Variants in CNRIP1 observed in about 807,000 individuals in gnomAD.
CNRIP1 encodes the protein cannabinoid receptor interacting protein 1, also known as CB1 cannabinoid receptor-interacting protein 1.
CNRIP1 carries 10 observed loss-of-function variants against 15.2 expected under a neutral mutation model. The observed-to-expected ratio is 0.66, with a 90% confidence interval of 0.41 to 1.12. The LOEUF (loss-of-function observed/expected upper bound fraction) is 1.12. CNRIP1 is among the 50% of genes most tolerant of loss of function. The pLI is 0.00. For synonymous variants in CNRIP1, 91 were observed against 83.2 expected (o/e 1.09, Z -0.51); for missense variants, 211 against 214.7 (o/e 0.98, Z 0.11).
rs118083383 is a variant in CNRIP1, at chr2:68,296,676, G to C, written c.331-2650C>G. ...TTTTGAGATGGAGTCTAGCTCTGTC[G>C]CCCAAGGTTGGAGTGCAGCAGCACG... is the stretch of plus-strand genomic sequence containing the variant. On this transcript the variant is annotated intron_variant, in intron 2 of 2. Transcript: ENST00000263655. 2.1e-3 allele frequency among the ~76,000 whole-genome samples: 316 copies of C among 151,758 alleles called. 10 individuals carry two copies. In the East Asian group the frequency reaches 0.058, roughly 28 times the overall value.
At chr2:68,299,295 C>T (rs931657266) in intron 2 of CNRIP1, among the ~76,000 whole-genome samples, 2 of 152,052 alleles carry the variant, frequency 1.3e-5, no homozygotes, top group East Asian at 3.9e-4. Flanking sequence ...TGCTTTAGGG[C>T]ATTGCTATGG....
intron 2 of CNRIP1, among the ~76,000 whole-genome samples, chr2:68,313,198 T>C (rs11885745): frequency 0.11 from 16,203 of 152,164 alleles, 1,128 homozygotes; most frequent in African/African-American, 0.2. Context: ...TAAAAAGACA[T>C]ACATTGAGTA....
intron 2 of CNRIP1, among the ~76,000 whole-genome samples, chr2:68,298,163 T>C (rs1250721170): frequency 1.3e-5 from 2 of 152,138 alleles, no homozygotes; most frequent in Admixed American, 1.3e-4. Context: ...AAATCTCATT[T>C]TATAATTTAC....
intron 2 of CNRIP1, among the ~76,000 whole-genome samples, chr2:68,294,650 A>T (rs1671282536): frequency 6.6e-6 from 1 of 152,224 alleles, no homozygotes; most frequent in Non-Finnish European, 1.5e-5. Context: ...CATTAGTTTC[A>T]ATTCCAAAGA....
At chr2:68,300,701 C>T (rs1039444816) in intron 2 of CNRIP1, among the ~76,000 whole-genome samples, 7 of 151,892 alleles carry the variant, frequency 4.6e-5, no homozygotes, top group Admixed American at 2.0e-4. Context: ...AACAATGAAA[C>T]TAAAATCTAG....
At chr2:68,299,595 TG>T (rs1671528885) in intron 2 of CNRIP1, among the ~76,000 whole-genome samples, 1 of 152,246 alleles carries the variant, frequency 6.6e-6, no homozygotes, top group African/African-American at 2.4e-5. Flanking sequence ...AGATGTTTGT[TG>T]TTTCATCCAT....
At chr2:68,307,545 T>G (rs892785956) in intron 2 of CNRIP1, among the ~76,000 whole-genome samples, 2 of 152,164 alleles carry the variant, frequency 1.3e-5, no homozygotes, top group Admixed American at 6.5e-5. Context: ...AGGCTAGTCT[T>G]GAACTCCTGC....
chr2:68,289,543 G>A (rs921693534), downstream of CNRIP1, among the ~76,000 whole-genome samples: 3 of 151,284 alleles, frequency 2.0e-5, no homozygotes, highest in African/African-American at 4.9e-5. Context: ...TGTAGTGGCA[G>A]GATCTCAGCT....
At chr2:68,285,046 C>T (rs1670994663) in intron 2 of CNRIP1, among the ~76,000 whole-genome samples, 1 of 152,174 alleles carries the variant, frequency 6.6e-6, no homozygotes, top group Non-Finnish European at 1.5e-5. Context: ...AGCATTTTAG[C>T]AGCTTTAAGC....
rs149282692 is a variant in CNRIP1 at position 68,285,395 on chromosome 2, T to A, written c.331-911A>T. On this transcript the variant is annotated intron_variant, in intron 2 of 2. Transcript: ENST00000409559. ...CAAAGCAATGTCTTCATACAATCAA[T>A]CTTAAGGGATTTTGCAGAGACAATG... 9.3e-4 allele frequency among the ~76,000 whole-genome samples: 141 copies of A among 152,048 alleles called. 1 individual carries two copies. The highest frequency in any genetic ancestry group is 3.2e-3 in the African/African-American group (131 of 41,498).
chr2:68,314,580 G>A (rs1672204575), intron 2 of CNRIP1, among the ~76,000 whole-genome samples: 1 of 151,962 alleles, frequency 6.6e-6, no homozygotes, highest in Non-Finnish European at 1.5e-5. Context: ...CCATCTATAT[G>A]AAAAACCCAA....
chr2:68,300,598 C>G (rs368947141), intron 2 of CNRIP1, among the ~76,000 whole-genome samples: 2 of 151,268 alleles, frequency 1.3e-5, no homozygotes, highest in African/African-American at 4.9e-5. Context: ...GCCTGGGCAT[C>G]AGAGCAAGAC....
chr2:68,311,644 G>A (rs1672076847), intron 2 of CNRIP1, among the ~76,000 whole-genome samples: 1 of 151,690 alleles, frequency 6.6e-6, no homozygotes, highest in African/African-American at 2.4e-5. Flanking sequence ...GTATGGTGGT[G>A]CGCACCTGTA....
chr2:68,310,201 G>C lies in CNRIP1; in HGVS notation c.330+6956C>G, dbSNP rs373559020. On this transcript the variant is annotated intron_variant, in intron 2 of 2. Transcript: ENST00000263655. ...AAATTAGCCAGGTGTGGTGGCACGC[G>C]CCTGTAGCCCCAGCTACTCTGGCGG... Among the ~76,000 whole-genome samples, 7 of 152,260 alleles carry C rather than the reference G, an allele frequency of 4.6e-5. No homozygotes were observed. The East Asian group carries it at 1.4e-3, about 29-fold the overall frequency.
At chr2:68,316,988 A>T in intron 2 of CNRIP1, 169 bp downstream of exon 2, 1 of 802,324 alleles carries the variant, frequency 1.2e-6, no homozygotes, top group Non-Finnish European at 2.2e-6. Flanking sequence ...AAAGAGCATT[A>T]ATTAAGTAGT....
intron 1 of CNRIP1, 37 bp downstream of exon 1, chr2:68,319,185 T>C: frequency 1.3e-6 from 2 of 1,512,318 alleles, no homozygotes; most frequent in East Asian, 2.5e-5. Context: ...CTGTACCCCA[T>C]GGGGGACCCT....
chr2:68,295,727 C>G (rs140036762), intron 2 of CNRIP1, among the ~76,000 whole-genome samples: 1 of 152,132 alleles, frequency 6.6e-6, no homozygotes, highest in African/African-American at 2.4e-5. Flanking sequence ...TATCTAGAGC[C>G]TAGGGTGAGA....
rs377583274 is a variant in CNRIP1, at chr2:68,293,831, G to T, written c.*31C>A. On this transcript the variant is annotated 3_prime_UTR_variant, in exon 3 of 3. Transcript: ENST00000263655. The stretch of plus-strand genomic sequence containing the variant: ...TTATCTAAAAGTAGATTTCTGAAAA[G>T]ATTGTCCAGTAGCATCAGAAAGAGC... 1.9e-6 allele frequency: 3 copies of T among 1,602,830 alleles called. No individual in the cohort carries two copies. Among genetic ancestry groups the T allele is most frequent in the Non-Finnish European group, 2.6e-6 (3 of 1,172,038 alleles).
At chr2:68,307,045 C>T (rs946101580) in intron 2 of CNRIP1, among the ~76,000 whole-genome samples, 4 of 152,170 alleles carry the variant, frequency 2.6e-5, no homozygotes, top group Admixed American at 2.6e-4. Context: ...GTAATCCTTA[C>T]ATTTTGATTC....
Sources: gnomAD v4.1 joint callset for allele counts (sites outside exome capture counted in the v4.1 genomes callset) on GRCh38, gnomAD v4.1.1 for gene constraint, MANE v1.5 for transcripts, NCBI Gene and HGNC (gene_info 2026-07-23, HGNC 2026-07-21) for gene names.